Variants in REC114 observed in about 807,000 individuals in gnomAD.
REC114 encodes meiotic recombination protein REC114.
In REC114, 27 loss-of-function variants were observed where a neutral mutation model predicts 31.3. The ratio of observed to expected loss-of-function variants is 0.86; its 90% CI spans 0.64 to 1.19. The LOEUF (loss-of-function observed/expected upper bound fraction) is 1.19. Among genes scored for constraint, REC114 ranks in the 50% most tolerant of loss-of-function variants. The probability of loss-of-function intolerance (pLI) is 0.00; values close to 1 mark genes in which losing one functional copy is unlikely to be tolerated. For missense variants in REC114, 344 were observed against 326.9 expected, an observed-to-expected ratio of 1.05 and a Z score of -0.40; for synonymous variants, 134 against 127.7, an observed-to-expected ratio of 1.05 and a Z score of -0.33.
intron 2 of REC114, among the ~76,000 whole-genome samples, chr15:73,491,637 C>G (rs1355292123): frequency 1.3e-5 from 2 of 152,206 alleles, no homozygotes; most frequent in African/African-American, 4.8e-5. Context: ...ATGGCTCACG[C>G]CTGTAATCCC....
At chr15:73,549,159 T>G (rs1595883038) in intron 3 of REC114, among the ~76,000 whole-genome samples, 1 of 152,278 alleles carries the variant, frequency 6.6e-6, no homozygotes, top group East Asian at 1.9e-4. Context: ...ACTTGGACCC[T>G]TGAACTTAGA....
chr15:73,468,899 T>G (rs1446869682), intron 1 of REC114, among the ~76,000 whole-genome samples: 1 of 152,172 alleles, frequency 6.6e-6, no homozygotes, highest in Non-Finnish European at 1.5e-5. Context: ...TTTAATTTCT[T>G]ATTTACCCAT....
intron 2 of REC114, among the ~76,000 whole-genome samples, chr15:73,534,728 AAAG>A (rs1427961329): frequency 6.6e-6 from 1 of 150,788 alleles, no homozygotes; most frequent in Non-Finnish European, 1.5e-5. Flanking sequence ...ACACAACAAA[AAAG>A]AGAATTTTAG....
At chr15:73,545,814 A>G (rs1894300847) in intron 3 of REC114, among the ~76,000 whole-genome samples, 1 of 152,208 alleles carries the variant, frequency 6.6e-6, no homozygotes, top group South Asian at 2.1e-4. Flanking sequence ...GCTATGAAAT[A>G]CAGTTGCTGA....
chr15:73,538,611 C>A (rs940743905), intron 2 of REC114, among the ~76,000 whole-genome samples: 2 of 151,986 alleles, frequency 1.3e-5, no homozygotes, highest in East Asian at 3.9e-4. Context: ...CACCCGCCAC[C>A]GCACCCAGCT....
At chr15:73,528,892 A>C (rs1894039870) in intron 2 of REC114, among the ~76,000 whole-genome samples, 1 of 152,168 alleles carries the variant, frequency 6.6e-6, no homozygotes, top group South Asian at 2.1e-4. Context: ...AAAAATTCCA[A>C]GAAAAAGGAT....
intron 1 of REC114, among the ~76,000 whole-genome samples, chr15:73,459,942 C>G (rs150536187): frequency 6.6e-6 from 1 of 152,198 alleles, no homozygotes; most frequent in East Asian, 1.9e-4. Context: ...GTAAGCTACA[C>G]CTGACTGATA....
chr15:73,448,764 G>A (rs1162841248), intron 1 of REC114, among the ~76,000 whole-genome samples: 1 of 152,148 alleles, frequency 6.6e-6, no homozygotes, highest in Non-Finnish European at 1.5e-5. Context: ...GCTGGCATCT[G>A]GGGGGTGCCC....
chr15:73,537,951 G>A (rs1894180989), intron 2 of REC114, among the ~76,000 whole-genome samples: 1 of 152,084 alleles, frequency 6.6e-6, no homozygotes, highest in African/African-American at 2.4e-5. Flanking sequence ...AGCATATGAT[G>A]GACATTGTTA....
At chr15:73,461,987 G>A (rs892674545) in intron 1 of REC114, among the ~76,000 whole-genome samples, 15 of 143,784 alleles carry the variant, frequency 1.0e-4, no homozygotes, top group East Asian at 2.0e-4. Flanking sequence ...GCTGGAGTGC[G>A]GTGGTGCGAT....
intron 1 of REC114, among the ~76,000 whole-genome samples, chr15:73,464,712 T>C (rs1893034038): frequency 1.3e-5 from 2 of 152,124 alleles, no homozygotes; most frequent in African/African-American, 4.8e-5. Flanking sequence ...CTTCATGAGG[T>C]CCACCAATTT....
chr15:73,512,273 CTTTT>C (rs1343376943), intron 2 of REC114, among the ~76,000 whole-genome samples: 34 of 52,666 alleles, frequency 6.5e-4, no homozygotes, highest in African/African-American at 4.1e-3. Context: ...CAACCCCTGC[CTTTT>C]TTTGTTTTCC....
intron 2 of REC114, among the ~76,000 whole-genome samples, chr15:73,485,146 C>T (rs1333889974): frequency 2.6e-5 from 4 of 152,154 alleles, no homozygotes; most frequent in Non-Finnish European, 4.4e-5. Flanking sequence ...TGCAGTGGCA[C>T]GATCCCTGCT....
chr15:73,557,444 G>GT (rs1392325227), intron 5 of REC114, among the ~76,000 whole-genome samples: 2 of 150,550 alleles, frequency 1.3e-5, no homozygotes, highest in Admixed American at 6.6e-5. Context: ...GAAAAAAAGG[G>GT]TTTTCTCCAT....
At chr15:73,507,559 A>G (rs1356103170) in intron 2 of REC114, among the ~76,000 whole-genome samples, 2 of 152,202 alleles carry the variant, frequency 1.3e-5, no homozygotes, top group African/African-American at 4.8e-5. Context: ...AGAAATGAGA[A>G]GAGGATTTAC....
At chr15:73,480,609 A>G (rs1357114421) in intron 2 of REC114, among the ~76,000 whole-genome samples, 1 of 138,550 alleles carries the variant, frequency 7.2e-6, no homozygotes, top group Non-Finnish European at 1.5e-5. Flanking sequence ...CATTTATAAC[A>G]TGTGTAATTT....
chr15:73,519,349 C>T (rs544258739), intron 2 of REC114, among the ~76,000 whole-genome samples: 1 of 152,308 alleles, frequency 6.6e-6, no homozygotes, highest in Admixed American at 6.5e-5. Flanking sequence ...AGCAAGCCCT[C>T]ATCAGACACT....
chr15:73,470,324 C>T (rs968531088), intron 1 of REC114, among the ~76,000 whole-genome samples: 1 of 151,876 alleles, frequency 6.6e-6, no homozygotes, highest in South Asian at 2.1e-4. Flanking sequence ...ATGCATTTGC[C>T]CATGTAATTA....
chr15:73,522,170 C>T (rs1893945541), intron 2 of REC114, among the ~76,000 whole-genome samples: 1 of 152,158 alleles, frequency 6.6e-6, no homozygotes, highest in South Asian at 2.1e-4. Context: ...ACACACACTC[C>T]TTCAGCCATA....
Sources: allele counts gnomAD v4.1 joint callset (sites outside exome capture counted in the v4.1 genomes callset), GRCh38; gene constraint gnomAD v4.1.1; transcripts MANE v1.5; gene names NCBI Gene and HGNC (gene_info 2026-07-23, HGNC 2026-07-21).